The following MEGF11 variants were observed in gnomAD, a reference collection of about 807,000 sequenced individuals.
The protein encoded by MEGF11 is multiple EGF like domains 11, also known as multiple epidermal growth factor-like domains protein 11.
In MEGF11, 126 loss-of-function variants were observed where a neutral mutation model predicts 146.6. That is an observed-to-expected ratio of 0.86 (90% CI 0.74 to 1.00). The LOEUF is 1.00. Ranked by LOEUF, MEGF11 falls within the 50% of genes least tolerant of loss-of-function variation. The probability of loss-of-function intolerance (pLI) is 0.00; values close to 1 mark genes in which losing one functional copy is unlikely to be tolerated. For synonymous variants in MEGF11, 532 were observed against 583.4 expected, an observed-to-expected ratio of 0.91 and a Z score of 1.27; for missense variants, 1,509 against 1,521.2, an observed-to-expected ratio of 0.99 and a Z score of 0.13.
At chr15:65,908,773 G>C (rs2078706189) in intron 23 of MEGF11, among the ~76,000 whole-genome samples, 1 of 152,196 alleles carries the variant, frequency 6.6e-6, no homozygotes, top group African/African-American at 2.4e-5. Flanking sequence ...GGGCAGTTTT[G>C]TTGTATCTTC....
At chr15:66,227,183 G>A (rs796319050) in intron 1 of MEGF11, among the ~76,000 whole-genome samples, 13 of 152,114 alleles carry the variant, frequency 8.5e-5, no homozygotes, top group African/African-American at 2.7e-4. Flanking sequence ...GGGGTTCTGC[G>A]GTTCGTGGAG....
intron 12 of MEGF11, among the ~76,000 whole-genome samples, chr15:65,928,900 C>T (rs2079470763): frequency 6.6e-6 from 1 of 152,148 alleles, no homozygotes; most frequent in East Asian, 1.9e-4. Flanking sequence ...GATTGTAACA[C>T]ATTGATCATC....
At chr15:66,002,487 C>A (rs2082397814) in intron 5 of MEGF11, among the ~76,000 whole-genome samples, 1 of 152,158 alleles carries the variant, frequency 6.6e-6, no homozygotes, top group African/African-American at 2.4e-5. Context: ...GAGCTTGGGT[C>A]TGGGCATTAA....
intron 4 of MEGF11, among the ~76,000 whole-genome samples, chr15:66,110,321 G>A (rs1046823280): frequency 2.6e-5 from 4 of 152,208 alleles, no homozygotes; most frequent in Admixed American, 6.5e-5. Flanking sequence ...TTAAGCATCC[G>A]TATTTATGAG....
At chr15:66,081,958 C>T (rs555846162) in intron 5 of MEGF11, among the ~76,000 whole-genome samples, 43 of 152,302 alleles carry the variant, frequency 2.8e-4, no homozygotes, top group African/African-American at 1.0e-3. Flanking sequence ...CCCCCTTCTC[C>T]ACTCTGGAAG....
intron 4 of MEGF11, among the ~76,000 whole-genome samples, chr15:66,100,128 G>A (rs1040956368): frequency 1.3e-5 from 2 of 152,194 alleles, no homozygotes; most frequent in African/African-American, 2.4e-5. Context: ...CCCCGTGCAC[G>A]CTCTGCCCAT....
intron 1 of MEGF11, among the ~76,000 whole-genome samples, chr15:66,237,911 A>T (rs1018775484): frequency 6.6e-6 from 1 of 152,200 alleles, no homozygotes; most frequent in African/African-American, 2.4e-5. Flanking sequence ...ATCATTAATT[A>T]TGTATTAAGT....
intron 1 of MEGF11, among the ~76,000 whole-genome samples, chr15:66,181,306 C>G (rs377487859): frequency 1.3e-4 from 20 of 152,150 alleles, no homozygotes; most frequent in East Asian, 5.8e-4. Context: ...GGCACAATCA[C>G]GGCTCACACG....
chr15:66,038,726 C>T (rs569716094), intron 5 of MEGF11, among the ~76,000 whole-genome samples: 5 of 152,314 alleles, frequency 3.3e-5, no homozygotes, highest in Admixed American at 2.6e-4. Context: ...AACCCCGGTT[C>T]TGCCTCTGAG....
In MEGF11 at chr15:65,974,022, T is replaced by G. The variant is rs2141631325; in HGVS notation, c.763-3333A>C. Among the ~76,000 whole-genome samples, 2 of 152,352 alleles carry G rather than the reference T, an allele frequency of 1.3e-5. 1 individual carries two copies. Among genetic ancestry groups the G allele is most frequent in the South Asian group, 4.1e-4 (2 of 4,830 alleles). ...TTGTCTCCTGCTGCCCTTCCAGCCC[T>G]GCGCATACCCGACAGTCATTTCTCT... On this transcript the variant is annotated intron_variant, in intron 7 of 25. Transcript: ENST00000395614.
At chr15:66,043,069 A>T (rs1449578163) in intron 5 of MEGF11, among the ~76,000 whole-genome samples, 2 of 152,236 alleles carry the variant, frequency 1.3e-5, no homozygotes, top group Admixed American at 1.3e-4. Context: ...CTTCAGGCAA[A>T]CAAGGCGGGC....
At chr15:66,241,893 G>A (rs7176478) in intron 1 of MEGF11, among the ~76,000 whole-genome samples, 29,619 of 152,020 alleles carry the variant, frequency 0.19, 5,237 homozygotes, top group African/African-American at 0.47. Flanking sequence ...AAATACACAC[G>A]TGGATAACAG....
intron 13 of MEGF11, 115 bp from the exon 14 acceptor site, chr15:65,923,084 G>A: frequency 8.9e-7 from 1 of 1,129,308 alleles, no homozygotes; most frequent in East Asian, 2.9e-5. Flanking sequence ...AGTGCATCCA[G>A]GAATGTAGAG....
intron 1 of MEGF11, among the ~76,000 whole-genome samples, chr15:66,246,632 C>A (rs1309440178): frequency 2.6e-5 from 4 of 151,266 alleles, no homozygotes; most frequent in African/African-American, 9.8e-5. Flanking sequence ...TGGCAAAACC[C>A]CATCTCCACC....
At chr15:65,959,439 AAAC>A (rs1223968085) in intron 9 of MEGF11, among the ~76,000 whole-genome samples, 2 of 152,234 alleles carry the variant, frequency 1.3e-5, no homozygotes, top group Non-Finnish European at 2.9e-5. Context: ...AATCAAGTCT[AAAC>A]AACAATTGGA....
intron 5 of MEGF11, among the ~76,000 whole-genome samples, chr15:65,992,750 A>T (rs1215993985): frequency 6.6e-6 from 1 of 151,838 alleles, no homozygotes; most frequent in East Asian, 1.9e-4. Flanking sequence ...AGTAAGTGTG[A>T]GAGACTTTGC....
chr15:65,937,854 T>C lies in MEGF11; in HGVS notation c.1288-6911A>G, dbSNP rs368230940. Among the ~76,000 whole-genome samples, 183 of 152,394 alleles carry C rather than the reference T, an allele frequency of 1.2e-3. 4 individuals are homozygous for C. In the South Asian group the frequency reaches 0.036, roughly 30 times the overall value. ...TTTCAGTTAACTTCATCACAGGTAA[T>C]ACAGGATTTCCTGTAGGTTTTGTGA... On this transcript the variant is annotated intron_variant, in intron 10 of 25. Coordinates refer to ENST00000395614, the MANE Select transcript of MEGF11 (RefSeq NM_001385028.1).
intron 7 of MEGF11, among the ~76,000 whole-genome samples, chr15:65,979,201 G>A (rs796984769): frequency 3.9e-5 from 6 of 152,174 alleles, no homozygotes; most frequent in East Asian, 1.9e-4. Context: ...AACCATCTGG[G>A]GAGCTTATTA....
intron 4 of MEGF11, among the ~76,000 whole-genome samples, chr15:66,107,016 TA>T (rs1241480814): frequency 1.3e-5 from 2 of 151,514 alleles, no homozygotes; most frequent in African/African-American, 2.4e-5. Context: ...AACTTCGTGA[TA>T]GGGGTGCCAA....
Sources: allele counts gnomAD v4.1 joint callset (sites outside exome capture counted in the v4.1 genomes callset), GRCh38; gene constraint gnomAD v4.1.1; transcripts MANE v1.5; gene names NCBI Gene and HGNC (gene_info 2026-07-23, HGNC 2026-07-21).